Variants in PIAS2 observed in about 807,000 individuals in gnomAD.
The protein encoded by PIAS2 is protein inhibitor of activated STAT 2.
PIAS2 carries 19 observed loss-of-function variants against 69.7 expected under a neutral mutation model. The observed-to-expected ratio is 0.27, with a 90% confidence interval of 0.19 to 0.40. The LOEUF is 0.40. Ranked by LOEUF, PIAS2 falls within the 10% of genes least tolerant of loss-of-function variation. The pLI is 1.00. For synonymous variants in PIAS2, 261 were observed against 263.2 expected (o/e 0.99, Z 0.08); for missense variants, 624 against 757.0 (o/e 0.82, Z 2.06).
chr18:46,847,725 G>A (rs1279577323), intron 5 of PIAS2, among the ~76,000 whole-genome samples: 1 of 152,166 alleles, frequency 6.6e-6, no homozygotes, highest in East Asian at 1.9e-4. Flanking sequence ...CTCGTGATCA[G>A]CCTGCCTCGG....
chr18:46,908,302 T>G (rs758786595), intron 1 of PIAS2, among the ~76,000 whole-genome samples: 1 of 152,180 alleles, frequency 6.6e-6, no homozygotes, highest in African/African-American at 2.4e-5. Flanking sequence ...AGCAGCAGCA[T>G]CATCTTGTTT....
intron 1 of PIAS2, among the ~76,000 whole-genome samples, chr18:46,892,806 CAT>C (rs2054262721): frequency 6.6e-6 from 1 of 152,136 alleles, no homozygotes; most frequent in Admixed American, 6.5e-5. Context: ...TTTACATTAA[CAT>C]AGTTATTTAA....
intron 1 of PIAS2, chr18:46,916,928 C>T (rs978478185): frequency 1.5e-5 from 15 of 985,572 alleles, no homozygotes; most frequent in Non-Finnish European, 1.7e-5. Context: ...AGCATGCAGA[C>T]TTGTGAATAG....
At chr18:46,842,690 C>G (rs2045598558) in intron 8 of PIAS2, among the ~76,000 whole-genome samples, 1 of 152,078 alleles carries the variant, frequency 6.6e-6, no homozygotes, top group Non-Finnish European at 1.5e-5. Context: ...AGTATAATAA[C>G]CTGAAGATAC....
intron 2 of PIAS2, among the ~76,000 whole-genome samples, chr18:46,887,665 ATAAAAT>A (rs2145944223): frequency 6.6e-6 from 1 of 152,380 alleles, no homozygotes; most frequent in South Asian, 2.1e-4. Context: ...CACTTTAGAA[ATAAAAT>A]TAAATATAAA....
At chr18:46,900,836 C>T (rs534340651) in intron 1 of PIAS2, among the ~76,000 whole-genome samples, 8 of 150,824 alleles carry the variant, frequency 5.3e-5, no homozygotes, top group Admixed American at 3.3e-4. Flanking sequence ...TAGCTGGGCC[C>T]GGTGGCAGGC....
At chr18:46,903,436 T>C (rs985723855) in intron 1 of PIAS2, 5 of 151,188 alleles carry the variant, frequency 3.3e-5, no homozygotes, top group Middle Eastern at 3.4e-3. Flanking sequence ...GATATACAGA[T>C]GGCAAATAAG....
At chr18:46,821,508 C>T (rs1338470302) in intron 11 of PIAS2, among the ~76,000 whole-genome samples, 1 of 152,134 alleles carries the variant, frequency 6.6e-6, no homozygotes, top group Non-Finnish European at 1.5e-5. Flanking sequence ...CACTGTAGCA[C>T]AATCCAAATT....
At chr18:46,887,671 T>C (rs1231572394) in intron 2 of PIAS2, among the ~76,000 whole-genome samples, 1 of 152,138 alleles carries the variant, frequency 6.6e-6, no homozygotes, top group African/African-American at 2.4e-5. Flanking sequence ...AGAAATAAAA[T>C]TAAATATAAA....
chr18:46,896,579 A>T (rs1384651083), intron 1 of PIAS2, among the ~76,000 whole-genome samples: 5 of 152,392 alleles, frequency 3.3e-5, no homozygotes, highest in Admixed American at 1.3e-4. Context: ...CTGAACACAA[A>T]ACATGAAATT....
chr18:46,891,324 T>C (rs1341307724), intron 1 of PIAS2: 3 of 517,100 alleles, frequency 5.8e-6, no homozygotes, highest in Non-Finnish European at 1.0e-5. Context: ...CACTTCATTA[T>C]CTGATTATGC....
intron 12 of PIAS2, chr18:46,816,147 T>C (rs1195087368): frequency 2.8e-5 from 28 of 984,868 alleles, no homozygotes; most frequent in African/African-American, 3.5e-5. Flanking sequence ...AAAGAAACCA[T>C]AGGTCATTAA....
intron 11 of PIAS2, among the ~76,000 whole-genome samples, chr18:46,822,215 A>G (rs1462515346): frequency 6.6e-6 from 1 of 152,322 alleles, no homozygotes; most frequent in Non-Finnish European, 1.5e-5. Flanking sequence ...TTAAATATGG[A>G]TATCAATACA....
At chr18:46,903,062 C>T (rs887432869) in intron 1 of PIAS2, among the ~76,000 whole-genome samples, 3 of 152,112 alleles carry the variant, frequency 2.0e-5, no homozygotes, top group African/African-American at 7.2e-5. Flanking sequence ...AAAAATAACT[C>T]CAAATGGATC....
At chr18:46,863,797 T>TTA (rs1283613158) in intron 3 of PIAS2, among the ~76,000 whole-genome samples, 1 of 152,132 alleles carries the variant, frequency 6.6e-6, no homozygotes, top group African/African-American at 2.4e-5. Flanking sequence ...TCCCCAAAAT[T>TTA]TATACGTTGA....
chr18:46,843,021 A>G (rs1238939293), intron 8 of PIAS2, among the ~76,000 whole-genome samples: 2 of 152,236 alleles, frequency 1.3e-5, no homozygotes, highest in African/African-American at 2.4e-5. Context: ...CAGGACATGT[A>G]TATTTCAGCC....
chr18:46,836,425 C>A lies in PIAS2; in HGVS notation c.1134G>T (p.Glu378Asp), dbSNP rs2145098056. The part of the protein sequence containing the change: ...FDAALYLQMN[E>D]KKPTWICPVC... ...CAGGACAAATCCAGGTGGGCTTTTT[C>A]TCATTCATTTGTAGATAGAGGGCAG... is the stretch of plus-strand genomic sequence containing the variant. The change falls in exon 9 of 14, where the codon GAG becomes GAT. Residue 378 changes from glutamate (E) to aspartate (D), a missense_variant. Transcript: ENST00000585916. 6.2e-7 allele frequency: 1 copy of A among 1,613,980 alleles called. No individual in the cohort carries two copies. Among genetic ancestry groups the A allele is most frequent in the African/African-American group, 1.3e-5 (1 of 75,016 alleles).
chr18:46,892,652 T>G (rs979270963), intron 1 of PIAS2, among the ~76,000 whole-genome samples: 3 of 152,016 alleles, frequency 2.0e-5, no homozygotes, highest in Non-Finnish European at 4.4e-5. Context: ...TGTGTGCCTG[T>G]GGTCCAAGCC....
In PIAS2 at chr18:46,812,535, G is replaced by A; in HGVS notation, c.1764C>T (p.Ser588=). 1 of 1,612,908 alleles carries A rather than the reference G, an allele frequency of 6.2e-7. No homozygotes were observed. Among genetic ancestry groups the A allele is most frequent in the Middle Eastern group, 1.7e-4 (1 of 6,058 alleles). Residue 588 remains serine, a synonymous_variant, in exon 14 of 14, where the codon TCC becomes TCT. Coordinates refer to ENST00000585916, the MANE Select transcript of PIAS2 (RefSeq NM_004671.5). The stretch of plus-strand genomic sequence containing the variant: ...AACTAACATGAGTACTGCTTTCATG[G>A]GAGCTGGTGGTGGTGACAGACGTAC... ...ASSTSVTTTS[S]HESSTHVSSS... is the part of the protein sequence containing the mutation.
Sources: gnomAD v4.1 joint callset for allele counts (sites outside exome capture counted in the v4.1 genomes callset) on GRCh38, gnomAD v4.1.1 for gene constraint, MANE v1.5 for transcripts, NCBI Gene and HGNC (gene_info 2026-07-23, HGNC 2026-07-21) for gene names.